TMEM135: variants seen among roughly 807,000 people sequenced by gnomAD.
TMEM135 encodes transmembrane protein 135.
TMEM135 carries 30 observed loss-of-function variants against 60.3 expected under a neutral mutation model. That is an observed-to-expected ratio of 0.50 (90% CI 0.37 to 0.68). TMEM135 has a LOEUF of 0.68. Among genes scored for constraint, TMEM135 ranks in the 30% least tolerant of loss-of-function variants. The probability of loss-of-function intolerance (pLI) is 0.00; values close to 1 mark genes in which losing one functional copy is unlikely to be tolerated. For missense variants in TMEM135, 468 were observed against 548.8 expected (o/e 0.85, Z 1.47); for synonymous variants, 190 against 186.7 (o/e 1.02, Z -0.14).
intron 6 of TMEM135, among the ~76,000 whole-genome samples, chr11:87,279,803 T>G (rs1373729521): frequency 2.0e-5 from 3 of 152,226 alleles, no homozygotes; most frequent in Non-Finnish European, 4.4e-5. Flanking sequence ...GACTTTATTA[T>G]TCACATACAC....
intron 4 of TMEM135, among the ~76,000 whole-genome samples, chr11:87,107,662 A>G (rs1428288326): frequency 1.3e-5 from 2 of 152,138 alleles, no homozygotes; most frequent in Non-Finnish European, 2.9e-5. Context: ...CCAGGCTATC[A>G]TTAATGGACA....
At chr11:87,187,452 A>G (rs1366730053) in intron 5 of TMEM135, among the ~76,000 whole-genome samples, 1 of 152,146 alleles carries the variant, frequency 6.6e-6, no homozygotes, top group Non-Finnish European at 1.5e-5. Context: ...AATCTAATAG[A>G]TCCTATTGAA....
intron 5 of TMEM135, among the ~76,000 whole-genome samples, chr11:87,195,873 T>C (rs1939944709): frequency 6.6e-6 from 1 of 152,230 alleles, no homozygotes; most frequent in South Asian, 2.1e-4. Context: ...GGTAATAGTT[T>C]ATGGTGGTTT....
chr11:87,231,498 T>G (rs1177448634), intron 5 of TMEM135, among the ~76,000 whole-genome samples: 2 of 152,178 alleles, frequency 1.3e-5, no homozygotes, highest in African/African-American at 4.8e-5. Context: ...CTTTAAAAGA[T>G]CAAACCATTT....
In TMEM135 at chr11:87,326,692, A is replaced by G. The variant is rs1942917124; in HGVS notation, c.*5359A>G. 2 of 453,132 alleles carry G rather than the reference A, an allele frequency of 4.4e-6. No homozygotes were observed. The highest frequency in any genetic ancestry group is 8.8e-6 in the Non-Finnish European group (2 of 226,562). The allele number at this position is 453,132 out of a possible 1,614,324, so 28.1% of individuals were successfully genotyped here. ...TTTCTTCATCTTGAGCTCTCAAGGG[A>G]AAAAACAGGAGTCCTTATTTTTCTA... On this transcript the variant is annotated 3_prime_UTR_variant, in exon 15 of 15. Coordinates refer to ENST00000305494, the MANE Select transcript of TMEM135 (RefSeq NM_022918.4).
rs532663840 is a variant in TMEM135 at position 87,274,997 on chromosome 11, CTTTT to C, written c.510-20781_510-20778del. 5.1e-3 allele frequency among the ~76,000 whole-genome samples: 774 copies of C among 151,296 alleles called. 13 individuals carry two copies. The highest frequency in any genetic ancestry group is 0.018 in the African/African-American group (735 of 41,262). On this transcript the variant is annotated intron_variant, in intron 6 of 14. Coordinates refer to ENST00000305494, the MANE Select transcript of TMEM135 (RefSeq NM_022918.4). ...TTCTAGAGCAAATAAATTTTAACTT[CTTTT>C]TTTGTTTTATTATTAAATTAATATT...
In TMEM135 at chr11:87,322,295, T is replaced by C. The variant is rs758434660; in HGVS notation, c.*962T>C. ...TGTGTCCTCTCAGCTGTTTAACTTA[T>C]GTAATGGATGTTTTGCACCTGAAAA... On this transcript the variant is annotated 3_prime_UTR_variant, in exon 15 of 15. Transcript: ENST00000305494. The C allele has an allele frequency of 1.1e-5, 5 of 454,158 alleles. No homozygotes were observed. The highest frequency in any genetic ancestry group is 6.9e-5 in the East Asian group (1 of 14,394). The allele number at this position is 454,158 out of a possible 1,614,324, so 28.1% of individuals were successfully genotyped here. A position where few individuals can be genotyped will look rare whatever the true frequency, so the allele number is the denominator to read the frequency against.
At chr11:87,114,865 T>C (rs1012279410) in intron 4 of TMEM135, among the ~76,000 whole-genome samples, 3 of 152,202 alleles carry the variant, frequency 2.0e-5, no homozygotes, top group Non-Finnish European at 4.4e-5. Flanking sequence ...GTACTTGTAA[T>C]AGCATGCTTC....
intron 1 of TMEM135, among the ~76,000 whole-genome samples, chr11:87,040,355 A>T (rs1447139321): frequency 6.6e-6 from 1 of 152,130 alleles, no homozygotes; most frequent in Admixed American, 6.6e-5. Flanking sequence ...GTGGAAAGAA[A>T]TTGGACTTTA....
At chr11:87,311,909 A>G (rs1942646369) in intron 10 of TMEM135, among the ~76,000 whole-genome samples, 1 of 151,848 alleles carries the variant, frequency 6.6e-6, no homozygotes, top group Admixed American at 6.6e-5. Flanking sequence ...AGCTACTTCA[A>G]CTTTTCAAAA....
intron 5 of TMEM135, among the ~76,000 whole-genome samples, chr11:87,194,939 GTTAC>G (rs1253306077): frequency 6.6e-6 from 1 of 152,120 alleles, no homozygotes; most frequent in Non-Finnish European, 1.5e-5. Flanking sequence ...ATGCATATAT[GTTAC>G]TTAATGAATG....
Position 87,325,249 on chromosome 11 carries a change from A to G in TMEM135, c.*3916A>G, listed in dbSNP as rs917195884. 2.2e-5 allele frequency: 10 copies of G among 453,958 alleles called. No homozygotes were observed. The highest frequency in any genetic ancestry group is 3.5e-5 in the Non-Finnish European group (8 of 226,792). The allele number at this position is 453,958 out of a possible 1,614,324, so 28.1% of individuals were successfully genotyped here. ...AGTTGCAAAAAGGGTAACTACAAAG[A>G]AATGAAACTGACTCTAGTGTGTGTG... On this transcript the variant is annotated 3_prime_UTR_variant, in exon 15 of 15. Transcript: ENST00000305494.
intron 1 of TMEM135, among the ~76,000 whole-genome samples, chr11:87,051,486 A>G (rs1380213482): frequency 1.5e-5 from 1 of 66,018 alleles, no homozygotes; most frequent in Non-Finnish European, 2.4e-5. Context: ...TACAAAATCA[A>G]TGTACAAAAA....
intron 6 of TMEM135, among the ~76,000 whole-genome samples, chr11:87,282,078 A>G (rs1406403020): frequency 6.6e-6 from 1 of 152,150 alleles, no homozygotes; most frequent in African/African-American, 2.4e-5. Flanking sequence ...CACACTTAGA[A>G]TTTCTGAATT....
Position 87,136,783 on chromosome 11 carries a change from T to C in TMEM135, c.397-20558T>C, listed in dbSNP as rs529830668. 5.1e-4 allele frequency among the ~76,000 whole-genome samples: 78 copies of C among 152,190 alleles called. 1 individual carries two copies. The highest frequency in any genetic ancestry group is 1.9e-3 in the African/African-American group (77 of 41,578). On this transcript the variant is annotated intron_variant, in intron 4 of 14. Coordinates refer to ENST00000305494, the MANE Select transcript of TMEM135 (RefSeq NM_022918.4). Reference sequence around the variant, plus strand: ...CCATTACATTTAAGTTGTCAATTAATAGAAACAAAATTGTACATAATATTT... The same window carrying C: ...CCATTACATTTAAGTTGTCAATTAACAGAAACAAAATTGTACATAATATTT...
intron 1 of TMEM135, among the ~76,000 whole-genome samples, chr11:87,052,990 A>C (rs1047514692): frequency 9.9e-5 from 12 of 120,804 alleles, no homozygotes; most frequent in Middle Eastern, 3.6e-3. Context: ...AGCCATAAAA[A>C]ATGATGAGTT....
chr11:87,189,097 C>G (rs1025411713), intron 5 of TMEM135, among the ~76,000 whole-genome samples: 4 of 137,998 alleles, frequency 2.9e-5, no homozygotes, highest in Non-Finnish European at 6.5e-5. Flanking sequence ...CCTTCCTTTT[C>G]CGTTTCCCTT....
At chr11:87,145,075 CT>C (rs1938376767) in intron 4 of TMEM135, among the ~76,000 whole-genome samples, 1 of 152,150 alleles carries the variant, frequency 6.6e-6, no homozygotes. Context: ...CCATATTTCT[CT>C]GGAGATTTTC....
intron 5 of TMEM135, among the ~76,000 whole-genome samples, chr11:87,230,527 G>C (rs573088882): frequency 2.0e-4 from 30 of 151,996 alleles, no homozygotes; most frequent in Non-Finnish European, 3.4e-4. Flanking sequence ...ATATGTAATA[G>C]GTAGTATTAT....
Sources: gnomAD v4.1 joint callset for allele counts (sites outside exome capture counted in the v4.1 genomes callset) on GRCh38, gnomAD v4.1.1 for gene constraint, MANE v1.5 for transcripts, NCBI Gene and HGNC (gene_info 2026-07-23, HGNC 2026-07-21) for gene names.